The following CLDN16 variants were observed in gnomAD, a reference collection of about 807,000 sequenced individuals.
The protein encoded by CLDN16 is claudin-16.
In CLDN16, 13 loss-of-function variants were observed where a neutral mutation model predicts 24.6. The ratio of observed to expected loss-of-function variants is 0.53; its 90% CI spans 0.34 to 0.84. The LOEUF (loss-of-function observed/expected upper bound fraction) is 0.84, where lower values mean the gene tolerates loss of function less well. CLDN16 is among the 40% of genes least tolerant of loss of function. The probability of loss-of-function intolerance (pLI) is 0.01; values close to 1 mark genes in which losing one functional copy is unlikely to be tolerated. For synonymous variants in CLDN16, 116 were observed against 106.7 expected, an observed-to-expected ratio of 1.09 and a Z score of -0.54; for missense variants, 298 against 292.7, an observed-to-expected ratio of 1.02 and a Z score of -0.13.
chr3:190,302,965 G>C, the CLDN16 span, among the ~76,000 whole-genome samples: 1 of 151,548 alleles, frequency 6.6e-6, no homozygotes, highest in Admixed American at 6.6e-5. Context: ...AAAGGAAAAA[G>C]GGCTAGAGAA....
upstream of CLDN16, chr3:190,322,121 T>A: frequency 6.2e-7 from 1 of 1,614,172 alleles, no homozygotes; most frequent in Non-Finnish European, 8.5e-7. Context: ...AATCCTCCAC[T>A]GGGGCAGGGC....
chr3:190,295,142 G>A, the CLDN16 span, among the ~76,000 whole-genome samples: 1 of 152,092 alleles, frequency 6.6e-6, no homozygotes, highest in Non-Finnish European at 1.5e-5. Flanking sequence ...TGCCTACTAA[G>A]TGCCAGGTAC....
rs556492299 is a variant in CLDN16, at chr3:190,353,749, G to A, written n.122-17144G>A. 2.4e-4 allele frequency among the ~76,000 whole-genome samples: 36 copies of A among 152,156 alleles called. No homozygotes were observed. The East Asian group carries it at 2.9e-3, about 12-fold the overall frequency. On this transcript the variant is annotated intron_variant and non_coding_transcript_variant, in intron 1 of 4. Coordinates refer to the CLDN16 transcript ENST00000468220. ...TTTATTGATAAGTTGCTGACAAAGA[G>A]CTGGTTCTAGTAGTAAAAGTGACAG...
In CLDN16 at chr3:190,372,272, T is replaced by C. The variant is rs1718158163; in HGVS notation, n.230+1271T>C. On this transcript the variant is annotated intron_variant and non_coding_transcript_variant, in intron 2 of 4. Coordinates refer to the CLDN16 transcript ENST00000468220. ...AACACTTTCAGGATAGACACCCAGC[T>C]CCTTCACATCCCTGAGAGTGGGGAA... is the stretch of plus-strand genomic sequence containing the variant. 2.0e-5 allele frequency among the ~76,000 whole-genome samples: 3 copies of C among 151,922 alleles called. No individual in the cohort carries two copies. In the South Asian group the frequency reaches 6.2e-4, roughly 32 times the overall value.
intron 1 of CLDN16, among the ~76,000 whole-genome samples, chr3:190,346,331 A>C (rs193106364): frequency 3.3e-4 from 50 of 152,316 alleles, no homozygotes; most frequent in African/African-American, 1.2e-3. Flanking sequence ...AGATTTTGCT[A>C]CAGGGAATTT....
intron 1 of CLDN16, among the ~76,000 whole-genome samples, chr3:190,326,634 T>C (rs1199265193): frequency 6.6e-6 from 1 of 152,138 alleles, no homozygotes; most frequent in African/African-American, 2.4e-5. Context: ...TAGAGGGTAA[T>C]GAGAGAAAAA....
intron 1 of CLDN16, among the ~76,000 whole-genome samples, chr3:190,336,842 T>C (rs1291455222): frequency 6.6e-6 from 1 of 152,142 alleles, no homozygotes; most frequent in Non-Finnish European, 1.5e-5. Flanking sequence ...GTCCAAGTAA[T>C]AAACTACAGC....
the CLDN16 span, chr3:190,313,151 T>A: frequency 4.5e-5 from 53 of 1,183,244 alleles, no homozygotes; most frequent in African/African-American, 1.4e-4. Context: ...GGACTAGGAA[T>A]CTAGAGACCC....
intron 1 of CLDN16, among the ~76,000 whole-genome samples, chr3:190,356,952 A>G (rs369847204): frequency 2.6e-5 from 4 of 152,066 alleles, no homozygotes; most frequent in South Asian, 2.1e-4. Flanking sequence ...ATAATTCGCT[A>G]TGTAGATTAT....
intron 1 of CLDN16, among the ~76,000 whole-genome samples, chr3:190,364,960 T>C (rs1717987112): frequency 6.6e-6 from 1 of 151,842 alleles, no homozygotes; most frequent in Admixed American, 6.6e-5. Context: ...TTTTTTTCTT[T>C]AGTCAATGGA....
chr3:190,383,791 T>G (rs534184292), upstream of CLDN16, among the ~76,000 whole-genome samples: 9 of 152,178 alleles, frequency 5.9e-5, no homozygotes, highest in African/African-American at 2.2e-4. Context: ...TAGATATACA[T>G]ACACACACAT....
intron 1 of CLDN16, among the ~76,000 whole-genome samples, chr3:190,363,443 T>A (rs1253214169): frequency 6.6e-6 from 1 of 150,672 alleles, no homozygotes; most frequent in Non-Finnish European, 1.5e-5. Context: ...GGTTTATATG[T>A]AGGTTCACTT....
the CLDN16 span, among the ~76,000 whole-genome samples, chr3:190,315,361 T>C: frequency 2.0e-5 from 3 of 152,190 alleles, no homozygotes; most frequent in Non-Finnish European, 4.4e-5. Flanking sequence ...GGAGAGCTGG[T>C]CATCCTAACG....
chr3:190,380,566 A>G (rs1237072793), intron 3 of CLDN16, among the ~76,000 whole-genome samples: 1 of 152,070 alleles, frequency 6.6e-6, no homozygotes, highest in Non-Finnish European at 1.5e-5. Context: ...CAATTGACCA[A>G]TGAGATCTAA....
the CLDN16 span, among the ~76,000 whole-genome samples, chr3:190,294,310 A>C: frequency 2.0e-5 from 3 of 152,214 alleles, no homozygotes; most frequent in South Asian, 6.2e-4. Flanking sequence ...TGCTAGTATT[A>C]AATAAGTGTT....
chr3:190,394,911 T>G (rs1208954003), intron 1 of CLDN16, among the ~76,000 whole-genome samples: 1 of 152,124 alleles, frequency 6.6e-6, no homozygotes, highest in Non-Finnish European at 1.5e-5. Flanking sequence ...TCTTGGGATA[T>G]CTAATAAGGT....
intron 1 of CLDN16, among the ~76,000 whole-genome samples, chr3:190,332,418 T>C (rs1717201484): frequency 6.6e-6 from 1 of 152,178 alleles, no homozygotes; most frequent in Admixed American, 6.5e-5. Context: ...GAACTCATGA[T>C]TGAGTAAAGA....
intron 1 of CLDN16, chr3:190,370,870 C>T (rs1284597550): frequency 6.6e-6 from 1 of 151,628 alleles, no homozygotes; most frequent in African/African-American, 2.4e-5. Flanking sequence ...ATTCTCCCAG[C>T]CTACATCTTT....
rs920823997 is a variant in CLDN16 at position 190,402,373 on chromosome 3, G to A, written c.151G>A (p.Val51Ile). Residue 51 changes from valine to isoleucine, a missense_variant, in exon 2 of 5, where the codon GTC (valine) becomes ATC (isoleucine). Val to Ile is a conservative substitution (Grantham distance 29). Coordinates refer to ENST00000264734, the MANE Select transcript of CLDN16 (RefSeq NM_006580.4). ...ATGCCGAGGCCTCTGGTGGGAATGC[G>A]TCACAAATGCTTTTGATGGGATTCG... ...TKCRGLWWEC[V>I]TNAFDGIRTC... 13 of 1,613,964 alleles carry A rather than the reference G, an allele frequency of 8.1e-6. No homozygotes were observed. Among genetic ancestry groups the A allele is most frequent in the Middle Eastern group, 1.6e-4 (1 of 6,062 alleles).
Sources: gnomAD v4.1 joint callset for allele counts (sites outside exome capture counted in the v4.1 genomes callset) on GRCh38, gnomAD v4.1.1 for gene constraint, MANE v1.5 for transcripts, NCBI Gene and HGNC (gene_info 2026-07-23, HGNC 2026-07-21) for gene names.